ADGRG4: variants seen among roughly 807,000 people sequenced by gnomAD.
The protein encoded by ADGRG4 is adhesion G protein-coupled receptor G4.
A neutral mutation model predicts 126.2 loss-of-function variants in ADGRG4; 122 were observed. The observed-to-expected ratio is 0.97, with a 90% CI of 0.83 to 1.12. The LOEUF (loss-of-function observed/expected upper bound fraction) is 1.12. ADGRG4 is among the 50% of genes most tolerant of loss of function. The pLI, the probability that ADGRG4 is intolerant of heterozygous loss-of-function variation, is 0.00. For synonymous variants in ADGRG4, 943 were observed against 838.7 expected, an observed-to-expected ratio of 1.12 and a Z score of -2.15; for missense variants, 2,481 against 2,251.8, an observed-to-expected ratio of 1.10 and a Z score of -2.06.
chrX:136,327,464 A>AAAAATAAT (rs2074880641), intron 5 of ADGRG4, among the ~76,000 whole-genome samples: 1 of 97,522 alleles, frequency 1.0e-5, no homozygotes, highest in Non-Finnish European at 2.0e-5. Flanking sequence ...GTGGGAAATA[A>AAAAATAAT]AATAATAATA....
intron 24 of ADGRG4, 22 bp downstream of exon 24, chrX:136,412,388 A>T (rs1442958458): frequency 1.1e-6 from 1 of 951,694 alleles, no homozygotes; most frequent in Non-Finnish European, 1.5e-6. Flanking sequence ...GTTTGGATGA[A>T]GTTTTGAATA....
In ADGRG4 at chrX:136,319,000, G is replaced by A. The variant is rs963268646; in HGVS notation, c.71-3778G>A. The stretch of plus-strand genomic sequence containing the variant: ...TCAAGAGAGAACACGCTTCAGGGGA[G>A]CAATCATGCAATTTGGACTTGAAAA... On this transcript the variant is annotated intron_variant, in intron 4 of 25. Transcript: ENST00000394143. 4.4e-5 allele frequency among the ~76,000 whole-genome samples: 5 copies of A among 112,765 alleles called. No individual in the cohort carries two copies. In the South Asian group the frequency reaches 1.8e-3, roughly 41 times the overall value.
In ADGRG4 at chrX:136,305,002, G is replaced by A. The variant is rs1036645711; in HGVS notation, c.-31G>A. 2 of 111,993 alleles carry A rather than the reference G, an allele frequency of 1.8e-5. No homozygotes were observed. The highest frequency in any genetic ancestry group is 6.5e-5 in the African/African-American group (2 of 30,801). 9.2% of individuals were successfully genotyped at this position (111,993 alleles called of 1,213,427 possible). ...AAGCACTTTACATACTGTGTGTTAT[G>A]TAATCTTCACAGCAATATGAGGTGA... On this transcript the variant is annotated 5_prime_UTR_variant, in exon 3 of 26. The change abolishes an upstream ATG in the 5' untranslated region. Coordinates refer to ENST00000394143, the MANE Select transcript of ADGRG4 (RefSeq NM_153834.4).
At chrX:136,307,021 C>A (rs888918699) in intron 3 of ADGRG4, among the ~76,000 whole-genome samples, 1 of 111,868 alleles carries the variant, frequency 8.9e-6, no homozygotes, top group African/African-American at 3.2e-5. Context: ...GCCTTTATTC[C>A]TTTTAATGGT....
In ADGRG4 at chrX:136,372,904, T is replaced by C; in HGVS notation, c.7616T>C (p.Ile2539Thr). The C allele has an allele frequency of 8.3e-7, 1 of 1,211,294 alleles. No homozygotes were observed. The highest frequency in any genetic ancestry group is 1.1e-6 in the Non-Finnish European group (1 of 894,882). Reference protein sequence around the residue: ...ASDLHEISNEILRIIERTGHK... With the variant: ...ASDLHEISNETLRIIERTGHK... ...TCTCCATCTGTGGTTTCTTGCAGAA[T>C]TCTGAGGATAATTGAGCGTACTGGT... The change falls in exon 15 of 26, where the codon ATT becomes ACT. Residue 2539 changes from isoleucine (I) to threonine (T), a missense_variant and splice_region_variant. Physicochemically the swap from Ile to Thr is moderately conservative, Grantham distance 89. Transcript: ENST00000394143.
chrX:136,353,225 G>A, intron 7 of ADGRG4, 112 bp from the exon 8 acceptor site: 1 of 535,006 alleles, frequency 1.9e-6, no homozygotes, highest in Non-Finnish European at 3.3e-6. Flanking sequence ...TGGAAATGTT[G>A]AGCCAGCTGA....
At chrX:136,329,982 T>C (rs2148455360) in intron 5 of ADGRG4, among the ~76,000 whole-genome samples, 1 of 111,565 alleles carries the variant, frequency 9.0e-6, no homozygotes, top group East Asian at 2.8e-4. Flanking sequence ...TCACATGCAG[T>C]TGGAAATTCT....
In ADGRG4 at chrX:136,349,776, T is replaced by A; in HGVS notation, c.6070T>A (p.Ser2024Thr). The change falls in exon 6 of 26, where the codon TCT (serine) becomes ACT (threonine). Residue 2024 changes from serine (S) to threonine (T), a missense_variant. Transcript: ENST00000394143. ...TTCTGGCTCCCCTCCGGCAACTGTA[T>A]CTAATGCCCCTCATGTTATGACTTC... ...LPSGSPPATV[S>T]NAPHVMTSST... 8.3e-7 allele frequency: 1 copy of A among 1,210,276 alleles called. No homozygotes were observed. The highest frequency in any genetic ancestry group is 3.0e-5 in the East Asian group (1 of 33,794).
chrX:136,398,097 T>C (rs2075360726), intron 20 of ADGRG4, 95 bp downstream of exon 20: 3 of 797,210 alleles, frequency 3.8e-6, no homozygotes, highest in Non-Finnish European at 3.6e-6. Context: ...CACATCACAA[T>C]AGGAAGAAGT....
At position 136,380,927 on chromosome X, in the gene ADGRG4, A is replaced by G. The variant is rs375061032; in HGVS notation, c.7777-6813A>G. On this transcript the variant is annotated intron_variant, in intron 15 of 25. Transcript: ENST00000394143. The stretch of plus-strand genomic sequence containing the variant: ...AAGACAGGGTCTTTCTTTGTTGCCC[A>G]CAGTGGTCTCGAACTCCTAGCTTCA... 6.4e-5 allele frequency among the ~76,000 whole-genome samples: 7 copies of G among 109,069 alleles called. No homozygotes were observed. In the East Asian group the frequency reaches 1.7e-3, roughly 27 times the overall value. The allele number at this position is 109,069 out of a possible 115,157, so 94.7% of individuals were successfully genotyped here.
At position 136,348,296 on chromosome X, in the gene ADGRG4, CACTCCCCCAATAGTGATA is replaced by C; in HGVS notation, c.4594_4611del (p.Pro1532_Thr1537del). The C allele has an allele frequency of 8.3e-7, 1 of 1,209,219 alleles. No individual in the cohort carries two copies. The stretch of plus-strand genomic sequence containing the variant: ...CCTTCACCTCCAAAAAAGTTTCTGA[CACTCCCCCAATAGTGATA>C]ACTAAATCTTCTAAAACAATGCATC... On this transcript the variant is annotated inframe_deletion, in exon 6 of 26. Coordinates refer to ENST00000394143, the MANE Select transcript of ADGRG4 (RefSeq NM_153834.4).
intron 5 of ADGRG4, among the ~76,000 whole-genome samples, chrX:136,331,442 A>G (rs942318895): frequency 4.4e-5 from 5 of 112,683 alleles, no homozygotes; most frequent in African/African-American, 1.6e-4. Context: ...ATTTAGCTTT[A>G]TAAGAAACTG....
intron 22 of ADGRG4, among the ~76,000 whole-genome samples, chrX:136,404,250 C>G (rs1423169081): frequency 9.1e-6 from 1 of 110,237 alleles, no homozygotes; most frequent in Non-Finnish European, 1.9e-5. Context: ...CTCATCTCCC[C>G]CTCCATCCTC....
In ADGRG4 at chrX:136,345,936, G is replaced by A; in HGVS notation, c.2230G>A (p.Gly744Arg). The A allele has an allele frequency of 8.3e-7, 1 of 1,210,109 alleles. No homozygotes were observed. Among genetic ancestry groups the A allele is most frequent in the Non-Finnish European group, 1.1e-6 (1 of 894,304 alleles). ...GTTTGCTAATTTCTCCATAGTTTCT[G>A]GAACCACATCCATAACCAATATGCC... Reference protein sequence around the residue: ...PWFANFSIVSGTTSITNMPEF... With the variant: ...PWFANFSIVSRTTSITNMPEF... The change falls in exon 6 of 26, where the codon GGA (glycine) becomes AGA (arginine). Residue 744 changes from glycine to arginine, a missense_variant. Coordinates refer to ENST00000394143, the MANE Select transcript of ADGRG4 (RefSeq NM_153834.4).
intron 12 of ADGRG4, among the ~76,000 whole-genome samples, chrX:136,363,037 G>C (rs1358771240): frequency 1.8e-5 from 2 of 111,237 alleles, no homozygotes; most frequent in African/African-American, 6.5e-5. Flanking sequence ...GAGGGTGGAT[G>C]ATGAGGGCCG....
rs2075402379 is a variant in ADGRG4, at chrX:136,405,730, T to G, written c.8693T>G (p.Val2898Gly). The stretch of plus-strand genomic sequence containing the variant: ...GATGATTCTATCTTTTACATCTCAG[T>G]GGTGGCTTATTTTTGCCTCATATTT... ...IKDDSIFYIS[V>G]VAYFCLIFLM... Residue 2898 changes from valine to glycine, a missense_variant, in exon 23 of 26, where the codon GTG (valine) becomes GGG (glycine). Coordinates refer to ENST00000394143, the MANE Select transcript of ADGRG4 (RefSeq NM_153834.4). 8.4e-7 allele frequency: 1 copy of G among 1,190,873 alleles called. No homozygotes were observed. The highest frequency in any genetic ancestry group is 1.7e-5 in the African/African-American group (1 of 57,414).
At chrX:136,400,169 A>G (rs906963911) in intron 21 of ADGRG4, 53 bp downstream of exon 21, 1 of 969,627 alleles carries the variant, frequency 1.0e-6, no homozygotes, top group African/African-American at 1.9e-5. Context: ...CTGTCTTTCT[A>G]ATTCTAGCTC....
At chrX:136,334,551 TTACTA>T (rs1213649245) in intron 5 of ADGRG4, among the ~76,000 whole-genome samples, 1 of 112,330 alleles carries the variant, frequency 8.9e-6, no homozygotes, top group East Asian at 2.8e-4. Context: ...GCTGACGTCT[TTACTA>T]TGTTGAATCT....
rs761840181 is a variant in ADGRG4 at position 136,372,216 on chromosome X, C to T, written c.7613+672C>T. Among the ~76,000 whole-genome samples the T allele has an allele frequency of 8.1e-5, 9 of 111,616 alleles. No individual in the cohort carries two copies. The East Asian group carries it at 2.2e-3, about 28-fold the overall frequency. The stretch of plus-strand genomic sequence containing the variant: ...TAAAGTGGAAAACTCGAGAACAGTA[C>T]TAGTTAACTCCTTCTAACTCACAGC... On this transcript the variant is annotated intron_variant, in intron 14 of 25. Transcript: ENST00000394143.
Sources: allele counts gnomAD v4.1 joint callset (sites outside exome capture counted in the v4.1 genomes callset), GRCh38; gene constraint gnomAD v4.1.1; transcripts MANE v1.5; gene names NCBI Gene and HGNC (gene_info 2026-07-23, HGNC 2026-07-21).